The following NOP9 variants were observed in gnomAD, a reference collection of about 807,000 sequenced individuals.
NOP9 encodes the protein NOP9 nucleolar protein.
Under a neutral mutation model 63.0 loss-of-function variants are expected in NOP9, and 50 were observed. The ratio of observed to expected loss-of-function variants is 0.79; its 90% CI spans 0.63 to 1.00. NOP9 has a LOEUF of 1.00. Among genes scored for constraint, NOP9 ranks in the 50% least tolerant of loss-of-function variants. The probability of loss-of-function intolerance (pLI) is 0.00; values close to 1 mark genes in which losing one functional copy is unlikely to be tolerated. For synonymous variants in NOP9, 343 were observed against 332.8 expected, an observed-to-expected ratio of 1.03 and a Z score of -0.33; for missense variants, 758 against 803.0, an observed-to-expected ratio of 0.94 and a Z score of 0.68.
upstream of NOP9, chr14:24,296,518 AC>A (rs1201164571): frequency 1.2e-6 from 2 of 1,614,050 alleles, no homozygotes; most frequent in South Asian, 2.2e-5. Context: ...CCTGAGTCCG[AC>A]GTTGTTGATA....
the NOP9 span, among the ~76,000 whole-genome samples, chr14:24,289,840 AC>A: frequency 1.3e-5 from 2 of 152,266 alleles, no homozygotes; most frequent in Admixed American, 1.3e-4. Context: ...CACTCCACTT[AC>A]CACTGGAACA....
At chr14:24,271,849 C>G in the NOP9 span, 1 of 152,172 alleles carries the variant, frequency 6.6e-6, no homozygotes, top group South Asian at 2.1e-4. Flanking sequence ...ACTGACCTCA[C>G]CCTGGCCACA....
At chr14:24,301,356 C>T (rs1434573233) in intron 2 of NOP9, among the ~76,000 whole-genome samples, 1 of 152,140 alleles carries the variant, frequency 6.6e-6, no homozygotes, top group African/African-American at 2.4e-5. Flanking sequence ...TTAAATGAGG[C>T]TTTATTTTGG....
the NOP9 span, among the ~76,000 whole-genome samples, chr14:24,290,070 C>T: frequency 6.6e-6 from 1 of 152,260 alleles, no homozygotes; most frequent in Non-Finnish European, 1.5e-5. Context: ...GGAACACACC[C>T]CATTGCCTTG....
chr14:24,308,195 T>C lies in NOP9; in HGVS notation c.*3100T>C. 6 of 352,104 alleles carry C rather than the reference T, an allele frequency of 1.7e-5. No individual in the cohort carries two copies. Among genetic ancestry groups the C allele is most frequent in the Non-Finnish European group, 3.2e-5 (6 of 188,022 alleles). The allele number at this position is 352,104 out of a possible 1,614,324, so 21.8% of individuals were successfully genotyped here. A position where few individuals can be genotyped will look rare whatever the true frequency, so the allele number is the denominator to read the frequency against. ...GTGACTTCTGGTGTTTTTTTATTTC[T>C]ATGGAGGGAATTTCTGGGGACGGTT... On this transcript the variant is annotated 3_prime_UTR_variant, in exon 10 of 10. Transcript: ENST00000267425.
Position 24,304,572 on chromosome 14 carries a change from C to A in NOP9, c.1727C>A (p.Ala576Asp). The change falls in exon 9 of 10, where the codon GCC (alanine) becomes GAC (aspartate). Residue 576 changes from alanine to aspartate, a missense_variant. By Grantham distance (126) the Ala-to-Asp change is moderately radical (BLOSUM62 -2). Coordinates refer to ENST00000267425, the MANE Select transcript of NOP9 (RefSeq NM_174913.3). ...DAIWSGAALR[A>D]RKEIAAELGE... ...ATCTGGAGTGGAGCAGCCTTGAGGGCCCGGAAGGAAATTGCTGCTGAGCTT... is the reference window on the plus strand; with the variant it reads ...ATCTGGAGTGGAGCAGCCTTGAGGGACCGGAAGGAAATTGCTGCTGAGCTT... The A allele has an allele frequency of 6.2e-7, 1 of 1,612,302 alleles. No homozygotes were observed. The highest frequency in any genetic ancestry group is 1.1e-5 in the South Asian group (1 of 90,790).
At position 24,300,456 on chromosome 14, in the gene NOP9, C is replaced by G; in HGVS notation, c.296C>G (p.Ala99Gly). 6.2e-7 allele frequency: 1 copy of G among 1,614,152 alleles called. No homozygotes were observed. Among genetic ancestry groups the G allele is most frequent in the East Asian group, 2.2e-5 (1 of 44,888 alleles). The change falls in exon 2 of 10, where the codon GCT becomes GGT. Residue 99 changes from alanine (A) to glycine (G), a missense_variant. Transcript: ENST00000267425. ...AAGGAAGTAGAGACTCAGGCCCTAGCTTTGTCCACGAACAGGACTGGCAGT... is the reference window on the plus strand; with the variant it reads ...AAGGAAGTAGAGACTCAGGCCCTAGGTTTGTCCACGAACAGGACTGGCAGT... ...IMKEVETQAL[A>G]LSTNRTGSEM...
At chr14:24,301,808 TC>T (rs2041382230) in intron 3 of NOP9, 86 bp downstream of exon 3, 1 of 1,520,802 alleles carries the variant, frequency 6.6e-7, no homozygotes, top group African/African-American at 1.4e-5. Context: ...CTCAGGTTAT[TC>T]CTCTTCTTTT....
At chr14:24,271,638 AG>A in the NOP9 span, 1 of 152,558 alleles carries the variant, frequency 6.6e-6, no homozygotes, top group Non-Finnish European at 1.5e-5. Context: ...GCCGGCTCGG[AG>A]GCGCGTGCGC....
chr14:24,303,312 A>C, intron 6 of NOP9, 98 bp downstream of exon 6: 1 of 1,470,884 alleles, frequency 6.8e-7, no homozygotes, highest in Non-Finnish European at 9.5e-7. Flanking sequence ...TGGACTCAGG[A>C]AGTCTAATGC....
rs1322192545 is a variant in NOP9 at position 24,301,977 on chromosome 14, A to G, written c.821A>G (p.Asp274Gly). ...CCTCTCTCCACAGTGTTTATCACTGATAAGATCTCCAGCTTCTGTCTTCAA... is the reference window on the plus strand; with the variant it reads ...CCTCTCTCCACAGTGTTTATCACTGGTAAGATCTCCAGCTTCTGTCTTCAA... ...FLKDIAVFIT[D>G]KISSFCLQVA... Residue 274 changes from aspartate to glycine, a missense_variant, in exon 4 of 10, where the codon GAT becomes GGT. Physicochemically the swap from Asp to Gly is moderately conservative, Grantham distance 94. Coordinates refer to ENST00000267425, the MANE Select transcript of NOP9 (RefSeq NM_174913.3). 6.2e-7 allele frequency: 1 copy of G among 1,613,716 alleles called. No individual in the cohort carries two copies. Among genetic ancestry groups the G allele is most frequent in the Admixed American group, 1.7e-5 (1 of 59,962 alleles).
Position 24,305,513 on chromosome 14 carries a change from A to G in NOP9, c.*418A>G, listed in dbSNP as rs1594625121. On this transcript the variant is annotated 3_prime_UTR_variant, in exon 10 of 10. Coordinates refer to ENST00000267425, the MANE Select transcript of NOP9 (RefSeq NM_174913.3). ...TTCTGTCACGAGGGGATCAGAGGAC[A>G]GTGGGGAAATTGGGTGGGTTATCTA... The G allele has an allele frequency of 1.6e-6, 2 of 1,219,000 alleles. No individual in the cohort carries two copies. The highest frequency in any genetic ancestry group is 2.3e-6 in the Non-Finnish European group (2 of 868,036). The allele number at this position is 1,219,000 out of a possible 1,614,324, so 75.5% of individuals were successfully genotyped here. A position where few individuals can be genotyped will look rare whatever the true frequency, so the allele number is the denominator to read the frequency against.
chr14:24,286,619 G>A, the NOP9 span, among the ~76,000 whole-genome samples: 4 of 152,006 alleles, frequency 2.6e-5, no homozygotes, highest in Non-Finnish European at 4.4e-5. Context: ...TCGAGACGGA[G>A]TCTCGCTCTG....
chr14:24,302,487 T>A, intron 5 of NOP9, 63 bp downstream of exon 5: 1 of 1,459,244 alleles, frequency 6.9e-7, no homozygotes, highest in Non-Finnish European at 9.4e-7. Context: ...CCTTATTTTA[T>A]GGTCTGTCTG....
intron 2 of NOP9, 75 bp from the exon 3 acceptor site, chr14:24,301,537 T>C: frequency 6.3e-7 from 1 of 1,590,422 alleles, no homozygotes; most frequent in Non-Finnish European, 8.6e-7. Flanking sequence ...GAATCCTTGT[T>C]CATCTGTGAA....
Position 24,302,365 on chromosome 14 carries a change from C to G in NOP9, c.1084C>G (p.His362Asp). Residue 362 changes from histidine (H) to aspartate (D), a missense_variant, in exon 5 of 10, where the codon CAT becomes GAT. Physicochemically the swap from His to Asp is moderately conservative, Grantham distance 81 (BLOSUM62 -1). Coordinates refer to ENST00000267425, the MANE Select transcript of NOP9 (RefSeq NM_174913.3). ...LQGQLQTLAA[H>D]PIANFPLQRL... The stretch of plus-strand genomic sequence containing the variant: ...GGGGCAGCTGCAGACCCTGGCTGCA[C>G]ATCCCATTGCCAACTTCCCTTTGCA... 6.2e-7 allele frequency: 1 copy of G among 1,614,052 alleles called. No individual in the cohort carries two copies. The highest frequency in any genetic ancestry group is 8.5e-7 in the Non-Finnish European group (1 of 1,179,956).
Sources: gnomAD v4.1 joint callset for allele counts (sites outside exome capture counted in the v4.1 genomes callset) on GRCh38, gnomAD v4.1.1 for gene constraint, MANE v1.5 for transcripts, NCBI Gene and HGNC (gene_info 2026-07-23, HGNC 2026-07-21) for gene names.